The following ZSWIM9 variants were observed in gnomAD, a reference collection of about 807,000 sequenced individuals.
ZSWIM9 encodes uncharacterized protein ZSWIM9.
ZSWIM9 carries 11 observed loss-of-function variants against 25.0 expected under a neutral mutation model. The ratio of observed to expected loss-of-function variants is 0.44; its 90% confidence interval spans 0.28 to 0.73. The LOEUF (loss-of-function observed/expected upper bound fraction) is 0.73, where lower values mean the gene tolerates loss of function less well. Ranked by LOEUF, ZSWIM9 falls within the 30% of genes least tolerant of loss-of-function variation. The probability of loss-of-function intolerance (pLI) is 0.16; values close to 1 mark genes in which losing one functional copy is unlikely to be tolerated. For missense variants in ZSWIM9, 1,070 were observed against 1,296.5 expected, an observed-to-expected ratio of 0.83 and a Z score of 2.68; for synonymous variants, 562 against 582.1, an observed-to-expected ratio of 0.97 and a Z score of 0.50.
intron 2 of ZSWIM9, among the ~76,000 whole-genome samples, chr19:48,174,060 GT>G (rs2036868860): frequency 6.6e-6 from 1 of 151,834 alleles, no homozygotes; most frequent in Non-Finnish European, 1.5e-5. Context: ...TGCTGCCCAG[GT>G]TTGCCCCAAA....
chr19:48,192,681 T>A (rs955743763), intron 3 of ZSWIM9, among the ~76,000 whole-genome samples: 3 of 150,856 alleles, frequency 2.0e-5, no homozygotes, highest in African/African-American at 7.3e-5. Context: ...GGCAAGTCAC[T>A]CCTCTGGTGC....
Position 48,196,322 on chromosome 19 carries a change from A to G in ZSWIM9, c.2258A>G (p.Asp753Gly). The change falls in exon 4 of 4, where the codon GAC becomes GGC. Residue 753 changes from aspartate (D) to glycine (G), a missense_variant. Physicochemically the swap from Asp to Gly is moderately conservative, Grantham distance 94 (BLOSUM62 -1). Around this residue, in one of 4 missense-constraint regions of ZSWIM9, gnomAD observed 583 missense variants for 624.7 expected, o/e 0.93. Transcript: ENST00000614654. ...GCCGGACGAGGGATGGAGTGGGGAGACGCAGGAGGGCGGTGTCTAGGGCTG... is the reference window on the plus strand; with the variant it reads ...GCCGGACGAGGGATGGAGTGGGGAGGCGCAGGAGGGCGGTGTCTAGGGCTG... ...SRAGRGMEWG[D>G]AGGRCLGLGN... 5 of 1,233,204 alleles carry G rather than the reference A, an allele frequency of 4.1e-6. No homozygotes were observed. The highest frequency in any genetic ancestry group is 5.1e-6 in the Non-Finnish European group (5 of 988,940). 76.4% of individuals were successfully genotyped at this position (1,233,204 alleles called of 1,614,324 possible). A position where few individuals can be genotyped will look rare whatever the true frequency, so the allele number is the denominator to read the frequency against.
At position 48,182,392 on chromosome 19, in the gene ZSWIM9, A is replaced by C; in HGVS notation, c.276-63A>C. 8.6e-7 allele frequency: 1 copy of C among 1,161,092 alleles called. No homozygotes were observed. Among genetic ancestry groups the C allele is most frequent in the Non-Finnish European group, 1.2e-6 (1 of 851,402 alleles). The allele number at this position is 1,161,092 out of a possible 1,614,324, so 71.9% of individuals were successfully genotyped here. ...TTAGTTTAAAAAAAAAAAAAAGGTGAGTGGAAAGGAAGAAGAGGGCAGCAG... is the reference window on the plus strand; with the variant it reads ...TTAGTTTAAAAAAAAAAAAAAGGTGCGTGGAAAGGAAGAAGAGGGCAGCAG... On this transcript the variant is annotated intron_variant, in intron 2 of 3. Transcript: ENST00000614654. The surrounding 1 kb of genome is among the most constrained non-coding windows in gnomAD (Gnocchi z 4.6).
At chr19:48,179,822 A>G (rs1037052136) in intron 2 of ZSWIM9, among the ~76,000 whole-genome samples, 4 of 152,230 alleles carry the variant, frequency 2.6e-5, no homozygotes, top group Non-Finnish European at 5.9e-5. Flanking sequence ...ACTACCACAA[A>G]TATGGTGGCT....
Position 48,182,504 on chromosome 19 carries a change from C to T in ZSWIM9, c.325C>T (p.Leu109=). ...PAFIIVKLSP[L]RDRLVVTECQ... ...CTTCATCATCGTCAAGCTGAGCCCG[C>T]TGCGGGACCGCCTCGTGGTGACGGA... Residue 109 remains leucine (L), a synonymous_variant, in exon 3 of 4, where the codon CTG becomes TTG. Transcript: ENST00000614654. This position sits in a 1 kb window ranked among gnomAD's most constrained non-coding sequence, Gnocchi z 4.6. The T allele has an allele frequency of 6.5e-7, 1 of 1,535,754 alleles. No individual in the cohort carries two copies. Among genetic ancestry groups the T allele is most frequent in the Non-Finnish European group, 8.7e-7 (1 of 1,146,668 alleles).
intron 2 of ZSWIM9, 48 bp downstream of exon 2, chr19:48,172,125 G>A (rs1377550981): frequency 3.5e-6 from 5 of 1,442,198 alleles, no homozygotes; most frequent in South Asian, 1.3e-5. Flanking sequence ...GGGAGCACCG[G>A]GGGTGGGTGT....
chr19:48,184,702 A>G (rs186363621), intron 3 of ZSWIM9, among the ~76,000 whole-genome samples: 3 of 152,324 alleles, frequency 2.0e-5, no homozygotes, highest in Admixed American at 6.5e-5. Flanking sequence ...ACTCATTTTC[A>G]TCTCACCTGA....
intron 3 of ZSWIM9, among the ~76,000 whole-genome samples, chr19:48,186,093 C>A (rs1451652971): frequency 6.6e-6 from 1 of 152,352 alleles, no homozygotes; most frequent in South Asian, 2.1e-4. Context: ...GACTGAGGAA[C>A]TGAATTTGTC....
chr19:48,189,955 C>T lies in ZSWIM9; in HGVS notation c.589-4698C>T, dbSNP rs552904961. On this transcript the variant is annotated intron_variant, in intron 3 of 3. Transcript: ENST00000614654. ...CAGTGGCTCACACCTGTAATCCCAG[C>T]ACTTCGAGAGGCTGAGGTGGGTGGA... Among the ~76,000 whole-genome samples the T allele has an allele frequency of 3.3e-5, 5 of 152,278 alleles. No homozygotes were observed. In the South Asian group the frequency reaches 6.2e-4, roughly 19 times the overall value.
chr19:48,171,590 C>G (rs771588361), intron 1 of ZSWIM9, among the ~76,000 whole-genome samples: 3 of 152,038 alleles, frequency 2.0e-5, no homozygotes, highest in Non-Finnish European at 2.9e-5. Flanking sequence ...CCAAGTGAAC[C>G]AGGGATAAGG....
intron 2 of ZSWIM9, among the ~76,000 whole-genome samples, chr19:48,180,038 C>T (rs777722478): frequency 2.6e-5 from 4 of 152,048 alleles, no homozygotes; most frequent in African/African-American, 7.2e-5. Context: ...TTATTCTAGA[C>T]GGAGTTTTGC....
chr19:48,176,401 C>T (rs1160929012), intron 2 of ZSWIM9, among the ~76,000 whole-genome samples: 2 of 152,010 alleles, frequency 1.3e-5, no homozygotes, highest in African/African-American at 2.4e-5. Context: ...TACTATTGGC[C>T]CCACTTTCCA....
Position 48,196,984 on chromosome 19 carries a change from G to A in ZSWIM9, c.*157G>A. 1 of 713,470 alleles carries A rather than the reference G, an allele frequency of 1.4e-6. No individual in the cohort carries two copies. The highest frequency in any genetic ancestry group is 2.1e-6 in the Non-Finnish European group (1 of 482,330). 44.2% of individuals were successfully genotyped at this position (713,470 alleles called of 1,614,324 possible). The stretch of plus-strand genomic sequence containing the variant: ...TCCTCATGGCAGTTTGCCTCTCTGG[G>A]TCCAAGGGCAAGCTGTAAGTGGTCT... On this transcript the variant is annotated 3_prime_UTR_variant, in exon 4 of 4. Transcript: ENST00000614654.
intron 3 of ZSWIM9, among the ~76,000 whole-genome samples, chr19:48,187,450 TTATATATTAATTA>T (rs2037030438): frequency 9.6e-6 from 1 of 103,972 alleles, no homozygotes; most frequent in Admixed American, 1.7e-4. Flanking sequence ...ATATTATATA[TTATATATTAATTA>T]TATATATTAT....
intron 1 of ZSWIM9, chr19:48,171,535 G>A (rs2036809468): frequency 5.4e-6 from 2 of 370,920 alleles, no homozygotes; most frequent in Non-Finnish European, 7.5e-6. Context: ...GGTCACATCT[G>A]CGGAGGAGGA....
At chr19:48,184,143 C>G (rs1439946409) in intron 3 of ZSWIM9, among the ~76,000 whole-genome samples, 2 of 151,838 alleles carry the variant, frequency 1.3e-5, no homozygotes, top group African/African-American at 4.8e-5. Context: ...AGGCCGGGGC[C>G]TGGAGCGGGA....
chr19:48,170,883 G>A (rs559808946), intron 1 of ZSWIM9, among the ~76,000 whole-genome samples, 169 bp downstream of exon 1: 1 of 152,098 alleles, frequency 6.6e-6, no homozygotes, highest in South Asian at 2.1e-4. Context: ...TGGACGTGGG[G>A]GGAGCATCTG....
chr19:48,175,560 G>T (rs1459349971), intron 2 of ZSWIM9, among the ~76,000 whole-genome samples: 1 of 152,054 alleles, frequency 6.6e-6, no homozygotes, highest in Non-Finnish European at 1.5e-5. Context: ...ATCTGGGGGT[G>T]GTGGGAGCCC....
chr19:48,188,399 T>C (rs2037055983), intron 3 of ZSWIM9, among the ~76,000 whole-genome samples: 1 of 151,958 alleles, frequency 6.6e-6, no homozygotes, highest in African/African-American at 2.4e-5. Context: ...ATTTTGTGTG[T>C]GTGTGTTTTA....
Sources: gnomAD v4.1 joint callset for allele counts (sites outside exome capture counted in the v4.1 genomes callset) on GRCh38, gnomAD v4.1.1 for gene constraint, gnomAD v4.1.1 regional missense constraint, Gnocchi (gnomAD v3.1) non-coding constraint, MANE v1.5 for transcripts, NCBI Gene and HGNC (gene_info 2026-07-23, HGNC 2026-07-21) for gene names.